TLDC2: variants seen among roughly 807,000 people sequenced by gnomAD.
TLDC2 encodes the protein TLD domain-containing protein 2.
TLDC2 carries 23 observed loss-of-function variants against 27.9 expected under a neutral mutation model. The ratio of observed to expected loss-of-function variants is 0.82; its 90% CI spans 0.59 to 1.17. TLDC2 has a LOEUF of 1.17. Ranked by LOEUF, TLDC2 falls within the 50% of genes most tolerant of loss-of-function variation. The pLI is 0.00. For missense variants in TLDC2, 286 were observed against 273.4 expected, an observed-to-expected ratio of 1.05 and a Z score of -0.32; for synonymous variants, 124 against 107.4, an observed-to-expected ratio of 1.16 and a Z score of -0.96.
At position 36,893,665 on chromosome 20, in the gene TLDC2, C is replaced by G. The variant is rs748661031; in HGVS notation, c.*821C>G. On this transcript the variant is annotated 3_prime_UTR_variant, in exon 7 of 7. Coordinates refer to ENST00000217320, the MANE Select transcript of TLDC2 (RefSeq NM_080628.3). ...AAGCAAGGCCTCCTAATACTTGACT[C>G]TATGCTAAACTGTTCTGAACTTGTG... 7.8e-6 allele frequency: 3 copies of G among 385,862 alleles called. No individual in the cohort carries two copies. Among genetic ancestry groups the G allele is most frequent in the African/African-American group, 4.1e-5 (2 of 48,256 alleles). The allele number at this position is 385,862 out of a possible 1,614,324, so 23.9% of individuals were successfully genotyped here.
At chr20:36,886,929 T>A (rs1462088791) in intron 4 of TLDC2, among the ~76,000 whole-genome samples, 1 of 152,116 alleles carries the variant, frequency 6.6e-6, no homozygotes, top group Non-Finnish European at 1.5e-5. Flanking sequence ...ATCACGCAGA[T>A]TGCAGTGTGG....
Position 36,877,920 on chromosome 20 carries a change from C to A in TLDC2, c.55C>A (p.Leu19Met). The change falls in exon 2 of 7, where the codon CTG (leucine) becomes ATG (methionine). Residue 19 changes from leucine (L) to methionine (M), a missense_variant. Transcript: ENST00000217320. ...GCAGCCCAGCCAGGTGGAGGACACC[C>A]TGTCTGGGGAGGAGGGTAACGAAGA... ...TRLPSQVEDT[L>M]SGEEGNEEEE... The A allele has an allele frequency of 1.1e-5, 18 of 1,613,584 alleles. No individual in the cohort carries two copies. Among genetic ancestry groups the A allele is most frequent in the Non-Finnish European group, 1.4e-5 (17 of 1,179,798 alleles).
chr20:36,886,824 A>G (rs954575881), intron 4 of TLDC2, among the ~76,000 whole-genome samples: 3 of 152,094 alleles, frequency 2.0e-5, no homozygotes, highest in Non-Finnish European at 4.4e-5. Context: ...ACTTCTGGCC[A>G]TTGTTAAGGA....
rs1989797561 is a variant in TLDC2 at position 36,880,770 on chromosome 20, AT to A, written c.438+21del. On this transcript the variant is annotated intron_variant, in intron 4 of 6. Coordinates refer to ENST00000217320, the MANE Select transcript of TLDC2 (RefSeq NM_080628.3). ...CTGAAGGTGATGTTCCCAACCTTCC[AT>A]GGGGGGAGTGGGGCGTGTGGCGAGA... 2 of 1,609,098 alleles carry A rather than the reference AT, an allele frequency of 1.2e-6. No homozygotes were observed. The highest frequency in any genetic ancestry group is 4.5e-5 in the East Asian group (2 of 44,864).
Position 36,877,969 on chromosome 20 carries a change from C to G in TLDC2, c.104C>G (p.Pro35Arg). Residue 35 changes from proline (P) to arginine (R), a missense_variant, in exon 2 of 7, where the codon CCA becomes CGA. Physicochemically the swap from Pro to Arg is moderately radical, Grantham distance 103. Coordinates refer to ENST00000217320, the MANE Select transcript of TLDC2 (RefSeq NM_080628.3). Reference sequence around the variant, plus strand: ...GAGGAAGAGGAGGAGGAGGCAGCTCCAGACCCAGCTGCTGCTCCTGAGGAT... The same window carrying G: ...GAGGAAGAGGAGGAGGAGGCAGCTCGAGACCCAGCTGCTGCTCCTGAGGAT... Reference protein sequence around the residue: ...NEEEEEEEAAPDPAAAPEDPT... With the variant: ...NEEEEEEEAARDPAAAPEDPT... The G allele has an allele frequency of 6.2e-7, 1 of 1,614,154 alleles. No individual in the cohort carries two copies. Among genetic ancestry groups the G allele is most frequent in the South Asian group, 1.1e-5 (1 of 91,084 alleles).
chr20:36,884,006 A>G (rs1425981203), intron 4 of TLDC2, among the ~76,000 whole-genome samples: 1 of 152,196 alleles, frequency 6.6e-6, no homozygotes, highest in Non-Finnish European at 1.5e-5. Flanking sequence ...AGGCATGAGA[A>G]TCTCTTGAAC....
rs930079204 is a variant in TLDC2 at position 36,878,956 on chromosome 20, C to A, written c.190-85C>A. 27 of 1,596,226 alleles carry A rather than the reference C, an allele frequency of 1.7e-5. No homozygotes were observed. In the African/African-American group the frequency reaches 3.2e-4, roughly 19 times the overall value. ...CGCCTGTAAAGCACTGTGCTGGATG[C>A]ATGCTAGCTGTCCAAGCCCACCCCC... On this transcript the variant is annotated intron_variant, in intron 2 of 6. Transcript: ENST00000217320.
Position 36,894,037 on chromosome 20 carries a change from C to A in TLDC2, c.*1193C>A. ...CTGTGGTTCTAGCTTTTGCAGGTGG[C>A]CCCAGCTCCTGGACTCCCACCTGCT... On this transcript the variant is annotated 3_prime_UTR_variant, in exon 7 of 7. Transcript: ENST00000217320. The A allele has an allele frequency of 2.5e-6, 1 of 397,414 alleles. No individual in the cohort carries two copies. The highest frequency in any genetic ancestry group is 1.3e-4 in the South Asian group (1 of 7,698). 24.6% of individuals were successfully genotyped at this position (397,414 alleles called of 1,614,324 possible).
chr20:36,887,579 T>C, intron 5 of TLDC2, 51 bp downstream of exon 5: 4 of 1,550,140 alleles, frequency 2.6e-6, no homozygotes, highest in South Asian at 1.1e-5. Context: ...TTCTGGTCCC[T>C]TTCCCTCTGC....
At position 36,879,104 on chromosome 20, in the gene TLDC2, A is replaced by T. The variant is rs766232335; in HGVS notation, c.253A>T (p.Arg85Trp). 3.7e-6 allele frequency: 6 copies of T among 1,614,052 alleles called. No homozygotes were observed. The Admixed American group carries it at 1.0e-4, about 27-fold the overall frequency. ...HPWSLVFCTSRDGFSLQSLYR... is the reference protein window; with the variant it reads ...HPWSLVFCTSWDGFSLQSLYR... ...CTGGAGTCTGGTCTTCTGCACGTCA[A>T]GGGACGGTTTCAGCCTGCAGAGCCT... Residue 85 changes from arginine to tryptophan, a missense_variant, in exon 3 of 7, where the codon AGG (arginine) becomes TGG (tryptophan). Arg to Trp is a moderately radical substitution (Grantham distance 101). Coordinates refer to ENST00000217320, the MANE Select transcript of TLDC2 (RefSeq NM_080628.3).
intron 2 of TLDC2, 112 bp downstream of exon 2, chr20:36,878,166 T>C: frequency 8.3e-7 from 1 of 1,201,764 alleles, no homozygotes; most frequent in Non-Finnish European, 1.1e-6. Flanking sequence ...TGCTCTGTTC[T>C]CATCATGCGT....
chr20:36,887,012 T>G (rs1053279641), intron 4 of TLDC2, among the ~76,000 whole-genome samples: 3 of 152,000 alleles, frequency 2.0e-5, no homozygotes, highest in Non-Finnish European at 4.4e-5. Flanking sequence ...GAGGACGGGA[T>G]AGAAATGGCG....
intron 4 of TLDC2, among the ~76,000 whole-genome samples, chr20:36,883,471 C>A (rs972711897): frequency 2.0e-5 from 3 of 152,086 alleles, no homozygotes; most frequent in Non-Finnish European, 4.4e-5. Context: ...ATGTCCCAAA[C>A]GGAGCTCCTG....
At chr20:36,884,123 G>T (rs890056553) in intron 4 of TLDC2, among the ~76,000 whole-genome samples, 5 of 151,192 alleles carry the variant, frequency 3.3e-5, no homozygotes, top group East Asian at 1.9e-4. Flanking sequence ...CAAAAATGGT[G>T]GGGGGGAAGC....
intron 4 of TLDC2, among the ~76,000 whole-genome samples, chr20:36,881,440 TA>T (rs1989813270): frequency 6.7e-6 from 1 of 149,736 alleles, no homozygotes; most frequent in Admixed American, 6.7e-5. Context: ...AAGGATCCGG[TA>T]TCGCGGTCAT....
In TLDC2 at chr20:36,893,815, A is replaced by G; in HGVS notation, c.*971A>G. On this transcript the variant is annotated 3_prime_UTR_variant, in exon 7 of 7. Coordinates refer to ENST00000217320, the MANE Select transcript of TLDC2 (RefSeq NM_080628.3). Reference sequence around the variant, plus strand: ...TTATTTGCTCTCAGATCCATTCTTCACTCTTCCTCTCCCTACTCTGTCTCA... The same window carrying G: ...TTATTTGCTCTCAGATCCATTCTTCGCTCTTCCTCTCCCTACTCTGTCTCA... 1 of 397,928 alleles carries G rather than the reference A, an allele frequency of 2.5e-6. No homozygotes were observed. The highest frequency in any genetic ancestry group is 2.1e-5 in the African/African-American group (1 of 48,556). The allele number at this position is 397,928 out of a possible 1,614,324, so 24.6% of individuals were successfully genotyped here. A position where few individuals can be genotyped will look rare whatever the true frequency, so the allele number is the denominator to read the frequency against.
Position 36,889,290 on chromosome 20 carries a change from C to CGG in TLDC2, c.556_557dup (p.Ser187GlufsTer41). 6.2e-7 allele frequency: 1 copy of CGG among 1,614,122 alleles called. No homozygotes were observed. Among genetic ancestry groups the CGG allele is most frequent in the Non-Finnish European group, 8.5e-7 (1 of 1,180,004 alleles). On this transcript the variant is annotated frameshift_variant, in exon 6 of 7. Transcript: ENST00000217320. LOFTEE classifies it high-confidence loss of function. ...TGTGGTTGGATGGAGACTTGTTCCG[C>CGG]GGGGGAAGCTCCCCTTGCCCGACCT... is the stretch of plus-strand genomic sequence containing the variant.
chr20:36,880,064 TATATAC>T (rs1417489176), intron 3 of TLDC2, among the ~76,000 whole-genome samples: 22 of 65,350 alleles, frequency 3.4e-4, no homozygotes, highest in African/African-American at 1.2e-3. Context: ...GTAGAATATA[TATATAC>T]ATATATATAT....
chr20:36,888,583 G>A (rs1989978976), intron 5 of TLDC2, among the ~76,000 whole-genome samples: 2 of 149,828 alleles, frequency 1.3e-5, no homozygotes, highest in Admixed American at 6.7e-5. Context: ...GTGGGCACCC[G>A]TAGTCCCAGC....
Sources: gnomAD v4.1 joint callset for allele counts (sites outside exome capture counted in the v4.1 genomes callset) on GRCh38, gnomAD v4.1.1 for gene constraint, MANE v1.5 for transcripts, NCBI Gene and HGNC (gene_info 2026-07-23, HGNC 2026-07-21) for gene names.